OPHN1: variants seen among roughly 807,000 people sequenced by gnomAD.
The protein encoded by OPHN1 is oligophrenin-1.
Under a neutral mutation model 60.7 loss-of-function variants are expected in OPHN1, and 11 were observed. The ratio of observed to expected loss-of-function variants is 0.18; its 90% CI spans 0.11 to 0.30. The LOEUF (loss-of-function observed/expected upper bound fraction) is 0.30. Ranked by LOEUF, OPHN1 falls within the 10% of genes least tolerant of loss-of-function variation. The pLI, the probability that OPHN1 is intolerant of heterozygous loss-of-function variation, is 1.00. For missense variants in OPHN1, 449 were observed against 611.0 expected, an observed-to-expected ratio of 0.73 and a Z score of 2.80; for synonymous variants, 226 against 222.6, an observed-to-expected ratio of 1.02 and a Z score of -0.14.
At chrX:68,159,447 A>C (rs948110036) in intron 15 of OPHN1, among the ~76,000 whole-genome samples, 1 of 112,081 alleles carries the variant, frequency 8.9e-6, no homozygotes. Flanking sequence ...GCAATCGGTC[A>C]ACAATTACTC....
rs190174435 is a variant in OPHN1, at chrX:68,087,543, A to G, written c.1686+9327T>C. 5.4e-5 allele frequency among the ~76,000 whole-genome samples: 6 copies of G among 112,071 alleles called. No individual in the cohort carries two copies. In the East Asian group the frequency reaches 1.7e-3, roughly 32 times the overall value. ...GTGTGAAAGAGAGAAGAAATTTAATATAAGATGGTCATTTCCAATTGCCAA... is the reference window on the plus strand; with the variant it reads ...GTGTGAAAGAGAGAAGAAATTTAATGTAAGATGGTCATTTCCAATTGCCAA... On this transcript the variant is annotated intron_variant, in intron 19 of 24. Coordinates refer to ENST00000355520, the MANE Select transcript of OPHN1 (RefSeq NM_002547.3).
chrX:68,377,662 C>T (rs1284415218), intron 2 of OPHN1, among the ~76,000 whole-genome samples: 21 of 108,388 alleles, frequency 1.9e-4, no homozygotes, highest in Middle Eastern at 4.7e-3. Context: ...TTCCCACCTA[C>T]GAGTGAGAAT....
intron 3 of OPHN1, among the ~76,000 whole-genome samples, chrX:68,296,270 T>A (rs2078094544): frequency 8.9e-6 from 1 of 112,063 alleles, no homozygotes; most frequent in South Asian, 3.7e-4. Flanking sequence ...TAAGTCAGCA[T>A]CCTTAAAAGC....
intron 2 of OPHN1, among the ~76,000 whole-genome samples, chrX:68,409,607 T>A (rs186761858): frequency 1.5e-3 from 167 of 111,113 alleles, no homozygotes; most frequent in African/African-American, 5.2e-3. Flanking sequence ...TTAAGTGAGG[T>A]TGCTAACAGA....
At chrX:68,356,272 T>C (rs750271253) in intron 2 of OPHN1, among the ~76,000 whole-genome samples, 54 of 110,964 alleles carry the variant, frequency 4.9e-4, no homozygotes, top group African/African-American at 1.7e-3. Context: ...AAGGCTGATT[T>C]ACCCCCAAGC....
At chrX:68,131,819 C>T (rs1326557700) in intron 15 of OPHN1, among the ~76,000 whole-genome samples, 1 of 112,003 alleles carries the variant, frequency 8.9e-6, no homozygotes, top group Non-Finnish European at 1.9e-5. Context: ...AAAAAGTGAT[C>T]ATATATTAGG....
intron 2 of OPHN1, among the ~76,000 whole-genome samples, chrX:68,334,711 C>G (rs1015526220): frequency 9.0e-6 from 1 of 111,141 alleles, no homozygotes; most frequent in African/African-American, 3.3e-5. Context: ...TGCAGTGCCT[C>G]AGACCTGTAA....
intron 15 of OPHN1, among the ~76,000 whole-genome samples, chrX:68,124,807 T>C (rs2077163461): frequency 9.0e-6 from 1 of 110,784 alleles, no homozygotes; most frequent in Admixed American, 9.6e-5. Context: ...CCACCACACC[T>C]GGATAACTTT....
At chrX:68,394,837 G>A (rs1420849875) in intron 2 of OPHN1, among the ~76,000 whole-genome samples, 1 of 111,613 alleles carries the variant, frequency 9.0e-6, no homozygotes, top group African/African-American at 3.3e-5. Context: ...AGTAGAGACG[G>A]GGTTTCACCA....
intron 15 of OPHN1, among the ~76,000 whole-genome samples, chrX:68,129,666 A>G (rs2077186038): frequency 8.9e-6 from 1 of 112,309 alleles, no homozygotes; most frequent in Non-Finnish European, 1.9e-5. Flanking sequence ...CAACTATAGA[A>G]AGTTACAATG....
chrX:68,341,641 C>A (rs2036599518), intron 2 of OPHN1, among the ~76,000 whole-genome samples: 1 of 110,858 alleles, frequency 9.0e-6, no homozygotes, highest in Non-Finnish European at 1.9e-5. Context: ...CAAGACCAGC[C>A]TGGGCAACAC....
intron 2 of OPHN1, among the ~76,000 whole-genome samples, chrX:68,318,162 A>G (rs1385153652): frequency 8.9e-6 from 1 of 111,810 alleles, no homozygotes; most frequent in African/African-American, 3.3e-5. Context: ...AAAACACAAT[A>G]CCATTTACAA....
intron 2 of OPHN1, among the ~76,000 whole-genome samples, chrX:68,414,645 A>G (rs965549166): frequency 8.9e-6 from 1 of 111,810 alleles, no homozygotes; most frequent in African/African-American, 3.2e-5. Flanking sequence ...TACTGTCTCC[A>G]TTTATAATTG....
intron 2 of OPHN1, among the ~76,000 whole-genome samples, chrX:68,333,255 A>G (rs1602333765): frequency 9.3e-6 from 1 of 108,097 alleles, no homozygotes; most frequent in Admixed American, 1.0e-4. Context: ...CCATCTCTAC[A>G]AATAATAATA....
At chrX:68,426,313 C>T (rs1380830839) in intron 2 of OPHN1, among the ~76,000 whole-genome samples, 8 of 107,661 alleles carry the variant, frequency 7.4e-5, no homozygotes, top group African/African-American at 2.3e-4. Context: ...TGGTAGCGCA[C>T]GCCTGTAATT....
intron 24 of OPHN1, among the ~76,000 whole-genome samples, chrX:68,048,061 C>T (rs1369752125): frequency 9.0e-6 from 1 of 111,614 alleles, no homozygotes; most frequent in Non-Finnish European, 1.9e-5. Flanking sequence ...AAGGTTCCAA[C>T]CTTCTCATTT....
intron 2 of OPHN1, among the ~76,000 whole-genome samples, chrX:68,375,896 G>A (rs185850766): frequency 2.7e-5 from 3 of 110,731 alleles, no homozygotes; most frequent in African/African-American, 9.8e-5. Flanking sequence ...TTATTTCCAG[G>A]TCCCACAGCT....
intron 5 of OPHN1, among the ~76,000 whole-genome samples, chrX:68,258,121 G>C (rs1252821531): frequency 9.1e-6 from 1 of 110,394 alleles, no homozygotes; most frequent in East Asian, 2.9e-4. Context: ...TCTAGTGAAG[G>C]ATGGCAAGGG....
intron 15 of OPHN1, among the ~76,000 whole-genome samples, chrX:68,142,381 G>T (rs2077247200): frequency 8.9e-6 from 1 of 112,230 alleles, no homozygotes; most frequent in South Asian, 3.7e-4. Flanking sequence ...GTAATTACTA[G>T]TTAAAAAGAA....
Sources: gnomAD v4.1 joint callset for allele counts (sites outside exome capture counted in the v4.1 genomes callset) on GRCh38, gnomAD v4.1.1 for gene constraint, MANE v1.5 for transcripts, NCBI Gene and HGNC (gene_info 2026-07-23, HGNC 2026-07-21) for gene names.